The following ADAMTS6 variants were observed in gnomAD, a reference collection of about 807,000 sequenced individuals.
The protein encoded by ADAMTS6 is A disintegrin and metalloproteinase with thrombospondin motifs 6.
In ADAMTS6, 23 loss-of-function variants were observed where a neutral mutation model predicts 144.3. The observed-to-expected ratio is 0.16, with a 90% CI of 0.11 to 0.23. The LOEUF (loss-of-function observed/expected upper bound fraction) is 0.23. ADAMTS6 is among the 10% of genes least tolerant of loss of function. ADAMTS6 has a pLI of 1.00. For synonymous variants in ADAMTS6, 444 were observed against 457.5 expected (o/e 0.97, Z 0.38); for missense variants, 999 against 1,379.6 (o/e 0.72, Z 4.37).
At chr5:65,158,666 G>A (rs1344360402) in intron 24 of ADAMTS6, among the ~76,000 whole-genome samples, 1 of 152,158 alleles carries the variant, frequency 6.6e-6, no homozygotes, top group Non-Finnish European at 1.5e-5. Context: ...TACCCAGGGT[G>A]GCTTTAATTC....
intron 7 of ADAMTS6, among the ~76,000 whole-genome samples, chr5:65,379,418 G>C (rs1004066769): frequency 6.6e-6 from 1 of 152,068 alleles, no homozygotes; most frequent in African/African-American, 2.4e-5. Context: ...ATTAGCCCAG[G>C]GCTCTCATGA....
intron 24 of ADAMTS6, among the ~76,000 whole-genome samples, chr5:65,156,410 G>C (rs1175182234): frequency 4.6e-5 from 7 of 151,644 alleles, no homozygotes; most frequent in Non-Finnish European, 8.8e-5. Flanking sequence ...TTCTGGAAAA[G>C]CTGTATATAA....
intron 4 of ADAMTS6, among the ~76,000 whole-genome samples, chr5:65,458,713 C>G (rs1367750078): frequency 6.6e-6 from 1 of 152,012 alleles, no homozygotes; most frequent in Non-Finnish European, 1.5e-5. Flanking sequence ...CCCGGCCAAC[C>G]CTTTCTATTT....
intron 7 of ADAMTS6, among the ~76,000 whole-genome samples, chr5:65,406,222 A>G (rs10055090): frequency 0.61 from 92,466 of 151,998 alleles, 29,973 homozygotes; most frequent in African/African-American, 0.84. Flanking sequence ...CTTGTCTTGC[A>G]CCAGTTTTCC....
chr5:65,413,062 T>C (rs148883217), intron 7 of ADAMTS6, among the ~76,000 whole-genome samples: 65 of 152,282 alleles, frequency 4.3e-4, no homozygotes, highest in African/African-American at 1.5e-3. Flanking sequence ...CTGCATTTAC[T>C]TCTCTGTAAC....
chr5:65,177,761 T>C (rs528666953), intron 22 of ADAMTS6, among the ~76,000 whole-genome samples: 16 of 152,356 alleles, frequency 1.1e-4, no homozygotes, highest in African/African-American at 3.6e-4. Flanking sequence ...AAATATTCCA[T>C]CTGCACGTTA....
At chr5:65,167,001 A>G (rs938745914) in intron 24 of ADAMTS6, among the ~76,000 whole-genome samples, 2 of 147,088 alleles carry the variant, frequency 1.4e-5, no homozygotes, top group Non-Finnish European at 3.0e-5. Context: ...ACACATTCAA[A>G]AGCTAGCAGA....
intron 20 of ADAMTS6, among the ~76,000 whole-genome samples, chr5:65,208,422 T>C (rs925249354): frequency 2.0e-5 from 3 of 152,160 alleles, no homozygotes; most frequent in Non-Finnish European, 2.9e-5. Context: ...GAACCATTGC[T>C]CTATGGAAGG....
At chr5:65,329,188 A>G (rs1390989943) in intron 9 of ADAMTS6, among the ~76,000 whole-genome samples, 190 bp downstream of exon 9, 2 of 152,136 alleles carry the variant, frequency 1.3e-5, no homozygotes, top group Non-Finnish European at 2.9e-5. Flanking sequence ...TCTTTGAATA[A>G]CAAAGATTAT....
At chr5:65,388,548 A>G (rs1004350882) in intron 7 of ADAMTS6, among the ~76,000 whole-genome samples, 2 of 152,162 alleles carry the variant, frequency 1.3e-5, no homozygotes, top group Non-Finnish European at 2.9e-5. Flanking sequence ...CAAGTTACTA[A>G]ATTTTCTAGA....
chr5:65,414,115 C>T (rs1344862612), intron 7 of ADAMTS6, among the ~76,000 whole-genome samples: 1 of 152,110 alleles, frequency 6.6e-6, no homozygotes, highest in East Asian at 1.9e-4. Flanking sequence ...GGCGGGAATC[C>T]ATGAGGAATC....
At chr5:65,435,750 C>T (rs1377918850) in intron 7 of ADAMTS6, among the ~76,000 whole-genome samples, 1 of 151,864 alleles carries the variant, frequency 6.6e-6, no homozygotes, top group African/African-American at 2.4e-5. Flanking sequence ...CTCAGCCTCC[C>T]GAGTAGCTGC....
intron 15 of ADAMTS6, among the ~76,000 whole-genome samples, chr5:65,238,583 G>A (rs1758886898): frequency 6.8e-6 from 1 of 147,742 alleles, no homozygotes; most frequent in Admixed American, 6.8e-5. Context: ...CTGGACAACA[G>A]AACCAGACCC....
chr5:65,188,497 G>A (rs752337492), intron 21 of ADAMTS6, among the ~76,000 whole-genome samples: 1 of 152,112 alleles, frequency 6.6e-6, no homozygotes, highest in Non-Finnish European at 1.5e-5. Flanking sequence ...CTAAAATGAG[G>A]ATAACAATGA....
intron 7 of ADAMTS6, among the ~76,000 whole-genome samples, chr5:65,373,668 C>G (rs1444282359): frequency 1.3e-5 from 2 of 152,186 alleles, no homozygotes. Flanking sequence ...CAGCCGAATT[C>G]TACCAGAGGT....
At chr5:65,476,834 C>T (rs1437480577) in intron 1 of ADAMTS6, among the ~76,000 whole-genome samples, 2 of 152,060 alleles carry the variant, frequency 1.3e-5, no homozygotes, top group African/African-American at 4.8e-5. Flanking sequence ...AGGATGGTCT[C>T]GATCTCCTGA....
chr5:65,234,731 T>C (rs1561310599), intron 15 of ADAMTS6, among the ~76,000 whole-genome samples: 3 of 152,142 alleles, frequency 2.0e-5, no homozygotes, highest in Non-Finnish European at 2.9e-5. Flanking sequence ...AGAATAACCA[T>C]ATGATCCAGC....
chr5:65,456,361 TA>T lies in ADAMTS6; in HGVS notation c.632-3444del, dbSNP rs372857060. On this transcript the variant is annotated intron_variant, in intron 4 of 24. Coordinates refer to ENST00000381055, the MANE Select transcript of ADAMTS6 (RefSeq NM_197941.4). The stretch of plus-strand genomic sequence containing the variant: ...TTGCTCATAAACACATACAACACAA[TA>T]ACTTTTTCCCAAAATCAATATATGG... Among the ~76,000 whole-genome samples, 380 of 152,312 alleles carry T rather than the reference TA, an allele frequency of 2.5e-3. 3 individuals are homozygous for T. Among genetic ancestry groups the T allele is most frequent in the African/African-American group, 8.9e-3 (368 of 41,574 alleles).
intron 15 of ADAMTS6, among the ~76,000 whole-genome samples, chr5:65,236,861 A>G (rs1414450895): frequency 6.6e-6 from 1 of 152,138 alleles, no homozygotes; most frequent in Non-Finnish European, 1.5e-5. Flanking sequence ...AGAAAAGAGT[A>G]CCAAAGCCAA....
Sources: gnomAD v4.1 joint callset for allele counts (sites outside exome capture counted in the v4.1 genomes callset) on GRCh38, gnomAD v4.1.1 for gene constraint, MANE v1.5 for transcripts, NCBI Gene and HGNC (gene_info 2026-07-23, HGNC 2026-07-21) for gene names.